The following FUT8 variants were observed in gnomAD, a reference collection of about 807,000 sequenced individuals.
FUT8 encodes fucosyltransferase 8, also known as alpha-(1,6)-fucosyltransferase.
FUT8 carries 29 observed loss-of-function variants against 71.3 expected under a neutral mutation model. The ratio of observed to expected loss-of-function variants is 0.41; its 90% CI spans 0.30 to 0.55. The LOEUF (loss-of-function observed/expected upper bound fraction) is 0.55, where lower values mean the gene tolerates loss of function less well. Ranked by LOEUF, FUT8 falls within the 20% of genes least tolerant of loss-of-function variation. The pLI, the probability that FUT8 is intolerant of heterozygous loss-of-function variation, is 0.34. For missense variants in FUT8, 544 were observed against 702.1 expected, an observed-to-expected ratio of 0.77 and a Z score of 2.55; for synonymous variants, 254 against 239.3, an observed-to-expected ratio of 1.06 and a Z score of -0.57.
chr14:65,433,051 G>A (rs1161194701), intron 1 of FUT8, among the ~76,000 whole-genome samples: 2 of 152,066 alleles, frequency 1.3e-5, no homozygotes, highest in Non-Finnish European at 2.9e-5. Context: ...CCTGTAACAT[G>A]TTTCTCTGTC....
intron 3 of FUT8, among the ~76,000 whole-genome samples, chr14:65,613,235 C>T (rs1208577803): frequency 6.6e-6 from 1 of 152,032 alleles, no homozygotes; most frequent in African/African-American, 2.4e-5. Flanking sequence ...AAAGGAGAAC[C>T]TAGACATAAT....
intron 5 of FUT8, among the ~76,000 whole-genome samples, chr14:65,616,747 G>A (rs751076616): frequency 5.9e-5 from 9 of 152,136 alleles, no homozygotes; most frequent in Non-Finnish European, 2.9e-5. Context: ...TAGTGAGTCC[G>A]ATGGTTACAT....
intron 2 of FUT8, among the ~76,000 whole-genome samples, chr14:65,510,850 C>T (rs960723092): frequency 6.6e-6 from 1 of 151,960 alleles, no homozygotes; most frequent in Non-Finnish European, 1.5e-5. Context: ...TTTAACTTTT[C>T]CAGCAACCAA....
At chr14:65,586,702 A>T (rs952300640) in intron 3 of FUT8, among the ~76,000 whole-genome samples, 1 of 152,212 alleles carries the variant, frequency 6.6e-6, no homozygotes, top group Non-Finnish European at 1.5e-5. Context: ...AGATCTTTTT[A>T]AAAATATCCA....
rs1374113490 is a variant in FUT8 at position 65,742,902 on chromosome 14, A to G, written c.*492A>G. On this transcript the variant is annotated 3_prime_UTR_variant, in exon 11 of 11. Transcript: ENST00000673929. ...GTCAACAGATTCAGAATGAGAATGGACGTTTGGTTTTTTTTTGTTTTTGTT... is the reference window on the plus strand; with the variant it reads ...GTCAACAGATTCAGAATGAGAATGGGCGTTTGGTTTTTTTTTGTTTTTGTT... The G allele has an allele frequency of 2.0e-5, 3 of 150,714 alleles. No individual in the cohort carries two copies. Among genetic ancestry groups the G allele is most frequent in the Admixed American group, 6.6e-5 (1 of 15,072 alleles). The allele number at this position is 150,714 out of a possible 1,614,324, so 9.3% of individuals were successfully genotyped here.
chr14:65,692,552 G>C (rs1182379045), intron 7 of FUT8, among the ~76,000 whole-genome samples: 3 of 147,466 alleles, frequency 2.0e-5, no homozygotes, highest in African/African-American at 7.5e-5. Context: ...TGGCCGGGAG[G>C]GGGGCTGACC....
At chr14:65,620,495 G>A (rs542495425) in intron 5 of FUT8, among the ~76,000 whole-genome samples, 1 of 152,226 alleles carries the variant, frequency 6.6e-6, no homozygotes, top group African/African-American at 2.4e-5. Context: ...CACTGGGAAA[G>A]ATTGATAGAA....
chr14:65,730,027 T>C (rs1895894979), intron 9 of FUT8, among the ~76,000 whole-genome samples: 1 of 152,226 alleles, frequency 6.6e-6, no homozygotes, highest in African/African-American at 2.4e-5. Context: ...TAATTCTGCT[T>C]TAAAATACTC....
At chr14:65,734,425 A>G (rs1330722032) in intron 10 of FUT8, among the ~76,000 whole-genome samples, 5 of 152,178 alleles carry the variant, frequency 3.3e-5, no homozygotes, top group East Asian at 1.9e-4. Flanking sequence ...TTGCCAGGCA[A>G]AGGTTACAGA....
chr14:65,598,368 G>A (rs1220908677), intron 3 of FUT8, among the ~76,000 whole-genome samples: 2 of 151,920 alleles, frequency 1.3e-5, no homozygotes, highest in African/African-American at 4.8e-5. Flanking sequence ...GATTACAGAT[G>A]CACGCCACCA....
At chr14:65,535,972 G>T (rs1884281919) in intron 2 of FUT8, among the ~76,000 whole-genome samples, 1 of 152,070 alleles carries the variant, frequency 6.6e-6, no homozygotes, top group Non-Finnish European at 1.5e-5. Flanking sequence ...CCTGTGTTGG[G>T]TGCATATATA....
intron 2 of FUT8, among the ~76,000 whole-genome samples, chr14:65,518,140 C>T (rs532234441): frequency 1.2e-4 from 18 of 152,202 alleles, no homozygotes; most frequent in African/African-American, 3.6e-4. Flanking sequence ...GCAAGCTGGA[C>T]CTTTTGAAGT....
chr14:65,437,751 G>A (rs905300581), intron 1 of FUT8, among the ~76,000 whole-genome samples: 2 of 152,098 alleles, frequency 1.3e-5, no homozygotes, highest in East Asian at 1.9e-4. Context: ...CCTTAAAACA[G>A]CAAGGAAGGA....
intron 1 of FUT8, among the ~76,000 whole-genome samples, chr14:65,422,246 C>G (rs1265443009): frequency 6.6e-6 from 1 of 151,948 alleles, no homozygotes. Context: ...GTTCTATGAC[C>G]AAAAGACTGG....
At chr14:65,452,949 G>C (rs2065848922) in intron 1 of FUT8, among the ~76,000 whole-genome samples, 1 of 152,024 alleles carries the variant, frequency 6.6e-6, no homozygotes, top group Admixed American at 6.5e-5. Flanking sequence ...TAATGTCCTA[G>C]TCTCCTAATT....
intron 7 of FUT8, among the ~76,000 whole-genome samples, chr14:65,677,166 G>GCGCA (rs1892795130): frequency 1.7e-5 from 2 of 118,694 alleles, no homozygotes; most frequent in African/African-American, 3.9e-5. Flanking sequence ...GCGCGCATGC[G>GCGCA]CGCGCACGTA....
chr14:65,395,711 C>A, the FUT8 span, among the ~76,000 whole-genome samples: 1 of 152,266 alleles, frequency 6.6e-6, no homozygotes, highest in African/African-American at 2.4e-5. Flanking sequence ...GGGGCTGCCA[C>A]AGATGGCTCT....
chr14:65,717,580 G>T lies in FUT8; in HGVS notation c.836-4195G>T, dbSNP rs188459699. 3.8e-4 allele frequency among the ~76,000 whole-genome samples: 44 copies of T among 115,944 alleles called. No homozygotes were observed. In the Admixed American group the frequency reaches 4.0e-3, roughly 11 times the overall value. 76.1% of individuals were successfully genotyped at this position (115,944 alleles called of 152,430 possible). ...AGACGATGGGCGGCCGGGCAGAGAC[G>T]CTCCTCACCTCCCAGACGGGGCGGC... On this transcript the variant is annotated intron_variant, in intron 7 of 10. Coordinates refer to ENST00000673929, the MANE Select transcript of FUT8 (RefSeq NM_001371533.1).
chr14:65,612,050 T>C (rs565794007), intron 3 of FUT8, among the ~76,000 whole-genome samples: 5 of 152,360 alleles, frequency 3.3e-5, no homozygotes, highest in African/African-American at 1.2e-4. Flanking sequence ...ATTTCTATGG[T>C]GATTCTAACA....
Sources: allele counts gnomAD v4.1 joint callset (sites outside exome capture counted in the v4.1 genomes callset), GRCh38; gene constraint gnomAD v4.1.1; transcripts MANE v1.5; gene names NCBI Gene and HGNC (gene_info 2026-07-23, HGNC 2026-07-21).